The following RASL12 variants were observed in gnomAD, a reference collection of about 807,000 sequenced individuals.
RASL12 encodes the protein RAS like family 12.
RASL12 carries 16 observed loss-of-function variants against 22.9 expected under a neutral mutation model. The ratio of observed to expected loss-of-function variants is 0.70; its 90% CI spans 0.47 to 1.06. The LOEUF is 1.06. RASL12 is among the 50% of genes least tolerant of loss of function. The pLI is 0.00. For missense variants in RASL12, 306 were observed against 353.1 expected, an observed-to-expected ratio of 0.87 and a Z score of 1.07; for synonymous variants, 159 against 152.2, an observed-to-expected ratio of 1.04 and a Z score of -0.33.
intron 2 of RASL12, among the ~76,000 whole-genome samples, chr15:65,060,951 C>G (rs1194174930): frequency 2.0e-5 from 3 of 152,232 alleles, no homozygotes; most frequent in African/African-American, 7.2e-5. Context: ...CTAATGGAAA[C>G]TATGTTCCAA....
At chr15:65,052,326 G>A (rs1387165847), downstream of RASL12, among the ~76,000 whole-genome samples, 1 of 151,812 alleles carries the variant, frequency 6.6e-6, no homozygotes, top group Non-Finnish European at 1.5e-5. Flanking sequence ...GAGACAGTGT[G>A]GTTAGGTGAA....
intron 2 of RASL12, among the ~76,000 whole-genome samples, chr15:65,059,619 G>A (rs2086778241): frequency 6.6e-6 from 1 of 152,210 alleles, no homozygotes; most frequent in Non-Finnish European, 1.5e-5. Context: ...CCACCTGCAG[G>A]GCTCAGCATC....
At chr15:65,061,863 C>T (rs975168224) in intron 2 of RASL12, among the ~76,000 whole-genome samples, 8 of 151,688 alleles carry the variant, frequency 5.3e-5, no homozygotes, top group Admixed American at 5.3e-4. Context: ...TCCTGCTGAA[C>T]ACGGTGAAAC....
At chr15:65,075,952 G>T (rs1044776598) in intron 1 of RASL12, among the ~76,000 whole-genome samples, 1 of 151,728 alleles carries the variant, frequency 6.6e-6, no homozygotes, top group Non-Finnish European at 1.5e-5. Context: ...TGCACCAGTC[G>T]ACACTCTGTA....
the RASL12 span, among the ~76,000 whole-genome samples, chr15:65,047,069 T>C: frequency 6.6e-6 from 1 of 152,110 alleles, no homozygotes; most frequent in Non-Finnish European, 1.5e-5. Context: ...TAAAAATGCA[T>C]ACAAAGGCTG....
rs768404679 is a variant in RASL12, at chr15:65,055,004, C to T, written c.696G>A (p.Met232Ile). 1 of 1,614,162 alleles carries T rather than the reference C, an allele frequency of 6.2e-7. No homozygotes were observed. The highest frequency in any genetic ancestry group is 8.5e-7 in the Non-Finnish European group (1 of 1,180,018). ...CCAGCTTGGCCTGGGCCACAGTGGG[C>T]ATCTCCTTCAGGTTGATGGTGGAGA... ...NTLSTINLKE[M>I]PTVAQAKLVT... The change falls in exon 5 of 5, where the codon ATG becomes ATA. Residue 232 changes from methionine to isoleucine, a missense_variant. Physicochemically the swap from Met to Ile is conservative, Grantham distance 10. Transcript: ENST00000220062.
chr15:65,053,308 A>T, downstream of RASL12: 1 of 1,427,452 alleles, frequency 7.0e-7, no homozygotes, highest in Non-Finnish European at 9.1e-7. Context: ...CTTAGCAGAT[A>T]CAATGAATGA....
chr15:65,059,322 A>G (rs760224482), intron 3 of RASL12, 23 bp downstream of exon 3: 2 of 1,603,996 alleles, frequency 1.2e-6, no homozygotes, highest in Non-Finnish European at 1.7e-6. Context: ...ACAGCAGTGC[A>G]TAGGTAATGG....
At chr15:65,070,903 T>TG (rs1236519192), upstream of RASL12, among the ~76,000 whole-genome samples, 1 of 152,128 alleles carries the variant, frequency 6.6e-6, no homozygotes, top group African/African-American at 2.4e-5. Context: ...CTGAAGAGTT[T>TG]GGGTAGCTTT....
the RASL12 span, among the ~76,000 whole-genome samples, chr15:65,046,015 A>G: frequency 6.7e-6 from 1 of 149,590 alleles, no homozygotes; most frequent in South Asian, 2.1e-4. Context: ...AAAATACAAA[A>G]TTGGCCGGGT....
intron 2 of RASL12, among the ~76,000 whole-genome samples, chr15:65,062,602 A>AC (rs1028003061): frequency 2.6e-5 from 4 of 151,762 alleles, no homozygotes; most frequent in Non-Finnish European, 5.9e-5. Flanking sequence ...AAAATTTACC[A>AC]CCCCCCCAGT....
chr15:65,068,309 C>T, upstream of RASL12: 1 of 984,964 alleles, frequency 1.0e-6, no homozygotes, highest in African/African-American at 1.7e-5. This position sits in a 1 kb window ranked among gnomAD's most constrained non-coding sequence, Gnocchi z 4.2. Context: ...GCAAGAAAAT[C>T]CACCCCTCCC....
chr15:65,071,531 C>T (rs1248269582), upstream of RASL12, among the ~76,000 whole-genome samples: 1 of 152,148 alleles, frequency 6.6e-6, no homozygotes, highest in Non-Finnish European at 1.5e-5. Flanking sequence ...ACATGACCCC[C>T]CACCTTGGAT....
intron 1 of RASL12, among the ~76,000 whole-genome samples, chr15:65,073,080 A>C (rs1595911069): frequency 1.3e-5 from 2 of 152,130 alleles, no homozygotes; most frequent in South Asian, 4.2e-4. Context: ...CCCCAAACCA[A>C]CGAACCAAAC....
intron 1 of RASL12, among the ~76,000 whole-genome samples, chr15:65,075,443 T>G (rs935339648): frequency 6.6e-6 from 1 of 152,240 alleles, no homozygotes; most frequent in Admixed American, 6.5e-5. Flanking sequence ...CAACTCCACC[T>G]GCAGCCCTGG....
upstream of RASL12, among the ~76,000 whole-genome samples, chr15:65,071,367 G>C (rs2086931069): frequency 6.6e-6 from 1 of 152,094 alleles, no homozygotes; most frequent in Non-Finnish European, 1.5e-5. Context: ...AACTCTGTGG[G>C]CTGCCCACAG....
chr15:65,068,298 A>G, upstream of RASL12: 4 of 985,290 alleles, frequency 4.1e-6, no homozygotes, highest in Non-Finnish European at 4.8e-6. This position sits in a 1 kb window ranked among gnomAD's most constrained non-coding sequence, Gnocchi z 4.2. Context: ...TCTTTTCACC[A>G]GCAAGAAAAT....
At chr15:65,066,505 T>C (rs964914568) in intron 1 of RASL12, among the ~76,000 whole-genome samples, 2 of 151,566 alleles carry the variant, frequency 1.3e-5, no homozygotes, top group African/African-American at 2.4e-5. Context: ...ACAGAGACAC[T>C]GTCTTAAAAA....
rs773062973 is a variant in RASL12, at chr15:65,055,125, A to G, written c.575T>C (p.Leu192Pro). 1 of 1,610,604 alleles carries G rather than the reference A, an allele frequency of 6.2e-7. No homozygotes were observed. Among genetic ancestry groups the G allele is most frequent in the Non-Finnish European group, 8.5e-7 (1 of 1,178,676 alleles). The change falls in exon 5 of 5, where the codon CTG (leucine) becomes CCG (proline). Residue 192 changes from leucine to proline, a missense_variant. By Grantham distance (98) the Leu-to-Pro change is moderately conservative. Coordinates refer to ENST00000220062, the MANE Select transcript of RASL12 (RefSeq NM_016563.4). ...EARRELEKSPLTRPLFISEER... is the reference protein window; with the variant it reads ...EARRELEKSPPTRPLFISEER... ...CTCGGAGATGAAGAGGGGCCGGGTC[A>G]GGGGGCTCTTCTCCAGCTCCCGCCG...
Sources: gnomAD v4.1 joint callset for allele counts (sites outside exome capture counted in the v4.1 genomes callset) on GRCh38, gnomAD v4.1.1 for gene constraint, Gnocchi (gnomAD v3.1) non-coding constraint, MANE v1.5 for transcripts, NCBI Gene and HGNC (gene_info 2026-07-23, HGNC 2026-07-21) for gene names.